ADAMTSL1: variants seen among roughly 807,000 people sequenced by gnomAD.
ADAMTSL1 encodes the protein ADAMTS like 1.
In ADAMTSL1, 126 loss-of-function variants were observed where a neutral mutation model predicts 201.8. The ratio of observed to expected loss-of-function variants is 0.62; its 90% CI spans 0.54 to 0.72. The LOEUF (loss-of-function observed/expected upper bound fraction) is 0.72. Ranked by LOEUF, ADAMTSL1 falls within the 30% of genes least tolerant of loss-of-function variation. The pLI, the probability that ADAMTSL1 is intolerant of heterozygous loss-of-function variation, is 0.00. For missense variants in ADAMTSL1, 2,679 were observed against 2,277.8 expected, an observed-to-expected ratio of 1.18 and a Z score of -3.59; for synonymous variants, 1,121 against 903.4, an observed-to-expected ratio of 1.24 and a Z score of -4.32.
Position 18,893,482 on chromosome 9 carries a change from G to GTT in ADAMTSL1, c.4851+887_4851+888insTT, listed in dbSNP as rs1464695859. Among the ~76,000 whole-genome samples, 3 of 152,124 alleles carry GTT rather than the reference G, an allele frequency of 2.0e-5. No individual in the cohort carries two copies. In the East Asian group the frequency reaches 5.8e-4, roughly 29 times the overall value. ...CTCTTTTCTACAACCCTCCAGGCCA[G>GTT]TACGTGTCGAGCTTTAATGTGAATC... On this transcript the variant is annotated intron_variant, in intron 26 of 28. Transcript: ENST00000380548.
chr9:17,929,241 G>A (rs935549893), intron 1 of ADAMTSL1, among the ~76,000 whole-genome samples: 33 of 151,954 alleles, frequency 2.2e-4, no homozygotes, highest in African/African-American at 3.6e-4. Flanking sequence ...ATTTCCTGCC[G>A]CCTTTACATC....
chr9:18,492,922 C>T (rs531919685), intron 1 of ADAMTSL1, among the ~76,000 whole-genome samples: 44 of 152,230 alleles, frequency 2.9e-4, no homozygotes, highest in African/African-American at 9.9e-4. Context: ...GAAGTTTTTG[C>T]TATCAATATT....
intron 1 of ADAMTSL1, among the ~76,000 whole-genome samples, chr9:17,908,705 G>T (rs763288181): frequency 6.6e-6 from 1 of 152,144 alleles, no homozygotes; most frequent in Non-Finnish European, 1.5e-5. Flanking sequence ...TGATCCACTC[G>T]CCTCGGCCTT....
intron 1 of ADAMTSL1, among the ~76,000 whole-genome samples, chr9:18,034,181 T>C (rs763752877): frequency 1.3e-5 from 2 of 152,168 alleles, no homozygotes; most frequent in Non-Finnish European, 2.9e-5. Flanking sequence ...ACCCCTTGAC[T>C]TAACACTTTT....
At chr9:18,728,410 A>C (rs971973358) in intron 15 of ADAMTSL1, among the ~76,000 whole-genome samples, 2 of 152,080 alleles carry the variant, frequency 1.3e-5, no homozygotes, top group Admixed American at 6.6e-5. Context: ...GTTAACGTTA[A>C]CTTTCTGCAC....
intron 5 of ADAMTSL1, among the ~76,000 whole-genome samples, chr9:18,634,321 T>G (rs983043838): frequency 6.6e-6 from 1 of 152,098 alleles, no homozygotes; most frequent in Non-Finnish European, 1.5e-5. Flanking sequence ...CCCAGCACTT[T>G]GGGAGGCCGA....
intron 2 of ADAMTSL1, among the ~76,000 whole-genome samples, chr9:18,523,605 A>G (rs973387138): frequency 4.0e-5 from 6 of 151,294 alleles, no homozygotes; most frequent in African/African-American, 1.5e-4. Context: ...ATCCATCTTG[A>G]ATTAATTTTT....
chr9:17,924,313 G>C (rs1388299810), intron 1 of ADAMTSL1, among the ~76,000 whole-genome samples: 1 of 152,058 alleles, frequency 6.6e-6, no homozygotes, highest in Non-Finnish European at 1.5e-5. Flanking sequence ...TCCCGTTATT[G>C]GTCTATTCAG....
chr9:18,254,148 TC>T (rs920214399), intron 2 of ADAMTSL1, among the ~76,000 whole-genome samples: 4 of 151,998 alleles, frequency 2.6e-5, no homozygotes, highest in African/African-American at 9.7e-5. Context: ...CTCAATTTCC[TC>T]CCCTGTAGGA....
intron 1 of ADAMTSL1, among the ~76,000 whole-genome samples, chr9:17,972,537 C>T (rs1051128448): frequency 6.6e-6 from 1 of 151,818 alleles, no homozygotes; most frequent in Non-Finnish European, 1.5e-5. Context: ...TGTCTATGTG[C>T]CACATTTTCT....
intron 20 of ADAMTSL1, among the ~76,000 whole-genome samples, chr9:18,798,633 T>A (rs1221111696): frequency 6.6e-6 from 1 of 152,152 alleles, no homozygotes; most frequent in Non-Finnish European, 1.5e-5. Context: ...AGATTAGCCA[T>A]CTGGAAAGTA....
rs1479542968 is a variant in ADAMTSL1 at position 18,684,757 on chromosome 9, G to C, written c.1531G>C (p.Ala511Pro). ...GGCCAAGTTGCCATGGTTCAAACAAGCTCAAGAGCTAGAAGAAGGAGCTGC... is the reference window on the plus strand; with the variant it reads ...GGCCAAGTTGCCATGGTTCAAACAACCTCAAGAGCTAGAAGAAGGAGCTGC... The part of the protein sequence containing the change: ...VEAKLPWFKQ[A>P]QELEEGAAVS... Residue 511 changes from alanine (A) to proline (P), a missense_variant, in exon 13 of 29, where the codon GCT becomes CCT. Coordinates refer to ENST00000380548, the MANE Select transcript of ADAMTSL1 (RefSeq NM_001040272.6). The C allele has an allele frequency of 1.9e-6, 3 of 1,612,982 alleles. No individual in the cohort carries two copies. The highest frequency in any genetic ancestry group is 2.5e-6 in the Non-Finnish European group (3 of 1,179,696).
rs573035444 is a variant in ADAMTSL1 at position 18,778,935 on chromosome 9, A to G, written c.3677+1029A>G. Among the ~76,000 whole-genome samples the G allele has an allele frequency of 5.3e-5, 8 of 152,346 alleles. No individual in the cohort carries two copies. In the East Asian group the frequency reaches 1.5e-3, roughly 29 times the overall value. ...CCTTCTATCTTCTCAGAATCCAAGC[A>G]TAATGCTCTTTTCATTAAGTCTATA... On this transcript the variant is annotated intron_variant, in intron 19 of 28. Coordinates refer to ENST00000380548, the MANE Select transcript of ADAMTSL1 (RefSeq NM_001040272.6).
chr9:18,897,589 G>A (rs904855916), intron 26 of ADAMTSL1, among the ~76,000 whole-genome samples: 3 of 152,232 alleles, frequency 2.0e-5, no homozygotes, highest in African/African-American at 7.2e-5. Context: ...TAGGCAACTA[G>A]GGCCTGGAGT....
At chr9:18,235,975 T>C (rs79542326) in intron 2 of ADAMTSL1, among the ~76,000 whole-genome samples, 2,218 of 152,366 alleles carry the variant, frequency 0.015, 50 homozygotes, top group African/African-American at 0.05. Flanking sequence ...GATGATGCTT[T>C]TGTAGGTTAC....
intron 1 of ADAMTSL1, among the ~76,000 whole-genome samples, chr9:17,965,455 G>A (rs1173068230): frequency 2.6e-5 from 4 of 152,080 alleles, no homozygotes; most frequent in Admixed American, 6.6e-5. Flanking sequence ...GGAATAAAAA[G>A]TATTCCATCT....
intron 2 of ADAMTSL1, among the ~76,000 whole-genome samples, chr9:18,526,065 G>C (rs1285724317): frequency 6.6e-6 from 1 of 152,120 alleles, no homozygotes; most frequent in Non-Finnish European, 1.5e-5. Flanking sequence ...CATTATTATT[G>C]TGTGGGAGTC....
chr9:17,985,684 G>T (rs190489013), intron 1 of ADAMTSL1, among the ~76,000 whole-genome samples: 1 of 151,988 alleles, frequency 6.6e-6, no homozygotes, highest in Non-Finnish European at 1.5e-5. Flanking sequence ...ACAGAATTCC[G>T]CAATCTCTAA....
At chr9:17,949,890 T>C (rs1441390253) in intron 1 of ADAMTSL1, among the ~76,000 whole-genome samples, 1 of 152,122 alleles carries the variant, frequency 6.6e-6, no homozygotes, top group Non-Finnish European at 1.5e-5. Flanking sequence ...AAAAGCAGGC[T>C]CCACCTCAAA....
Sources: gnomAD v4.1 joint callset for allele counts (sites outside exome capture counted in the v4.1 genomes callset) on GRCh38, gnomAD v4.1.1 for gene constraint, MANE v1.5 for transcripts, NCBI Gene and HGNC (gene_info 2026-07-23, HGNC 2026-07-21) for gene names.